KIRREL3: variants seen among roughly 807,000 people sequenced by gnomAD.
The protein encoded by KIRREL3 is kirre like nephrin family adhesion molecule 3, also known as kin of IRRE-like protein 3.
A neutral mutation model predicts 89.7 loss-of-function variants in KIRREL3; 36 were observed. The ratio of observed to expected loss-of-function variants is 0.40; its 90% CI spans 0.31 to 0.53. KIRREL3 has a LOEUF of 0.53. Among genes scored for constraint, KIRREL3 ranks in the 20% least tolerant of loss-of-function variants. The pLI is 0.49. For synonymous variants in KIRREL3, 445 were observed against 441.4 expected (o/e 1.01, Z -0.10); for missense variants, 864 against 1,056.6 (o/e 0.82, Z 2.53).
intron 1 of KIRREL3, among the ~76,000 whole-genome samples, chr11:126,816,512 A>G (rs943826695): frequency 1.3e-5 from 2 of 152,180 alleles, no homozygotes; most frequent in Non-Finnish European, 1.5e-5. Context: ...AACTGCTTAG[A>G]ATTTTAAAGT....
chr11:126,737,798 C>A (rs949947191), intron 1 of KIRREL3, among the ~76,000 whole-genome samples: 3 of 152,240 alleles, frequency 2.0e-5, no homozygotes, highest in South Asian at 2.1e-4. Flanking sequence ...CACAAGTATA[C>A]AACATGTAAT....
intron 1 of KIRREL3, among the ~76,000 whole-genome samples, chr11:126,737,054 A>G (rs1323255942): frequency 1.3e-5 from 2 of 152,206 alleles, no homozygotes; most frequent in African/African-American, 2.4e-5. Context: ...AAGTTTCCCA[A>G]TTTGCTCCGG....
rs1213549828 is a variant in KIRREL3, at chr11:126,668,553, T to A, written c.56-105641A>T. Among the ~76,000 whole-genome samples the A allele has an allele frequency of 2.6e-5, 4 of 152,122 alleles. No homozygotes were observed. Among genetic ancestry groups the A allele is most frequent in the African/African-American group, 9.7e-5 (4 of 41,432 alleles). On this transcript the variant is annotated intron_variant, in intron 1 of 16. Transcript: ENST00000525144. This position sits in a 1 kb window ranked among gnomAD's most constrained non-coding sequence, Gnocchi z 4.4. Reference sequence around the variant, plus strand: ...GGAGCCCTGTCAACTGCACCCGGAATGATGGCCTTTCTTCCTGTTCTTCCT... The same window carrying A: ...GGAGCCCTGTCAACTGCACCCGGAAAGATGGCCTTTCTTCCTGTTCTTCCT...
intron 2 of KIRREL3, among the ~76,000 whole-genome samples, chr11:126,552,550 G>GTATTTTTTTTTT (rs201214323): frequency 2.4e-5 from 2 of 81,752 alleles, no homozygotes; most frequent in African/African-American, 8.5e-5. Context: ...AGAGAGAAAA[G>GTATTTTTTTTTT]TTTTTTTTTT....
rs138862183 is a variant in KIRREL3 at position 126,689,777 on chromosome 11, G to T, written c.56-126865C>A. ...GCAGAGGCCCTCCCAAGACTGACAG[G>T]TTAGCACGGAAGGTATAATCTGCTA... On this transcript the variant is annotated intron_variant, in intron 1 of 16. Coordinates refer to ENST00000525144, the MANE Select transcript of KIRREL3 (RefSeq NM_032531.4). This position sits in a 1 kb window ranked among gnomAD's most constrained non-coding sequence, Gnocchi z 5.2. 4.1e-4 allele frequency among the ~76,000 whole-genome samples: 62 copies of T among 152,308 alleles called. No individual in the cohort carries two copies. Among genetic ancestry groups the T allele is most frequent in the African/African-American group, 1.5e-3 (62 of 41,574 alleles).
At chr11:126,967,248 G>A (rs1376299053) in intron 1 of KIRREL3, among the ~76,000 whole-genome samples, 1 of 152,116 alleles carries the variant, frequency 6.6e-6, no homozygotes, top group African/African-American at 2.4e-5. Flanking sequence ...CTTTTCTTCA[G>A]CAATTTTACT....
chr11:126,821,351 A>ATATATATATATATATGTG lies in KIRREL3; in HGVS notation c.55+179103_55+179104insCACATATATATATATATA, dbSNP rs756545626. Among the ~76,000 whole-genome samples the ATATATATATATATATGTG allele has an allele frequency of 8.4e-4, 88 of 105,240 alleles. 7 individuals carry two copies. The highest frequency in any genetic ancestry group is 6.8e-3 in the South Asian group (20 of 2,960). The allele number at this position is 105,240 out of a possible 152,430, so 69.0% of individuals were successfully genotyped here. On this transcript the variant is annotated intron_variant, in intron 1 of 16. Transcript: ENST00000525144. Reference sequence around the variant, plus strand: ...ACAGTATATATATATATATATATATATGTAACTTCCAACCAACATCCCTTC... The same window carrying ATATATATATATATATGTG: ...ACAGTATATATATATATATATATATATATATATATATATATGTGTGTAACTTCCAACCAACATCCCTTC...
At chr11:126,629,967 G>A (rs1233780227) in intron 1 of KIRREL3, among the ~76,000 whole-genome samples, 1 of 152,154 alleles carries the variant, frequency 6.6e-6, no homozygotes, top group South Asian at 2.1e-4. Flanking sequence ...CAATTTCTGT[G>A]TATTGTCTGT....
Position 126,696,894 on chromosome 11 carries a change from C to T in KIRREL3, c.56-133982G>A, listed in dbSNP as rs2135151348. On this transcript the variant is annotated intron_variant, in intron 1 of 16. Coordinates refer to ENST00000525144, the MANE Select transcript of KIRREL3 (RefSeq NM_032531.4). This position sits in a 1 kb window ranked among gnomAD's most constrained non-coding sequence, Gnocchi z 4.4. ...TTGCTTTCCGGGCAGATTATCTTCC[C>T]TTTCTGAGTCTCAGTTTCTTCATCT... Among the ~76,000 whole-genome samples, 1 of 152,320 alleles carries T rather than the reference C, an allele frequency of 6.6e-6. No individual in the cohort carries two copies. The highest frequency in any genetic ancestry group is 1.5e-5 in the Non-Finnish European group (1 of 68,020).
chr11:126,620,510 A>G lies in KIRREL3; in HGVS notation c.56-57598T>C, dbSNP rs1943533677. Among the ~76,000 whole-genome samples, 1 of 152,066 alleles carries G rather than the reference A, an allele frequency of 6.6e-6. No homozygotes were observed. The highest frequency in any genetic ancestry group is 1.5e-5 in the Non-Finnish European group (1 of 68,010). ...AAAGGGCCCACATACACCACACACC[A>G]TTGTCTATGGGGTGCCTGTGCATGT... is the stretch of plus-strand genomic sequence containing the variant. On this transcript the variant is annotated intron_variant, in intron 1 of 16. Transcript: ENST00000525144. The surrounding 1 kb of genome is among the most constrained non-coding windows in gnomAD (Gnocchi z 4.8).
rs1318083364 is a variant in KIRREL3, at chr11:126,610,098, T to C, written c.56-47186A>G. Among the ~76,000 whole-genome samples the C allele has an allele frequency of 1.3e-5, 2 of 150,058 alleles. No homozygotes were observed. The highest frequency in any genetic ancestry group is 1.5e-5 in the Non-Finnish European group (1 of 67,320). ...GACTCCAAAATCTGTGCTGTTAACT[T>C]TTTTTTTTTTGAGACAGAATTTTGC... On this transcript the variant is annotated intron_variant, in intron 1 of 16. Transcript: ENST00000525144. The surrounding 1 kb of genome is among the most constrained non-coding windows in gnomAD (Gnocchi z 4.6).
At chr11:126,804,599 G>A (rs1337041781) in intron 1 of KIRREL3, among the ~76,000 whole-genome samples, 1 of 152,182 alleles carries the variant, frequency 6.6e-6, no homozygotes, top group Non-Finnish European at 1.5e-5. Context: ...TGGGGAGGAG[G>A]AGGAAGTAAG....
chr11:126,621,234 T>A (rs1406218866), intron 1 of KIRREL3, among the ~76,000 whole-genome samples: 2 of 152,228 alleles, frequency 1.3e-5, no homozygotes, highest in African/African-American at 2.4e-5. Context: ...GAGTGGGGGA[T>A]GGGGAGAACC....
In KIRREL3 at chr11:126,459,467, C is replaced by T. The variant is rs1382946112; in HGVS notation, c.743-3013G>A. Among the ~76,000 whole-genome samples, 2 of 152,206 alleles carry T rather than the reference C, an allele frequency of 1.3e-5. No individual in the cohort carries two copies. Among genetic ancestry groups the T allele is most frequent in the African/African-American group, 4.8e-5 (2 of 41,450 alleles). The stretch of plus-strand genomic sequence containing the variant: ...CACTGGCCATATCTGCACCTCCACC[C>T]CAAGACCAGAGGTGCCCAAGCTTCT... On this transcript the variant is annotated intron_variant, in intron 6 of 16. Transcript: ENST00000525144. This position sits in a 1 kb window ranked among gnomAD's most constrained non-coding sequence, Gnocchi z 4.8.
chr11:126,722,131 C>G (rs1948198756), intron 1 of KIRREL3, among the ~76,000 whole-genome samples: 1 of 152,228 alleles, frequency 6.6e-6, no homozygotes, highest in African/African-American at 2.4e-5. Flanking sequence ...GTTCCTCAAG[C>G]ACCTGCTGTC....
chr11:126,493,863 T>C (rs1957591583), intron 4 of KIRREL3, among the ~76,000 whole-genome samples: 1 of 152,052 alleles, frequency 6.6e-6, no homozygotes, highest in African/African-American at 2.4e-5. Flanking sequence ...AGGCTGGTTC[T>C]GGGTCCCGGA....
chr11:126,486,649 G>A lies in KIRREL3; in HGVS notation c.434-13183C>T, dbSNP rs1391029963. Among the ~76,000 whole-genome samples the A allele has an allele frequency of 6.6e-6, 1 of 152,200 alleles. No homozygotes were observed. The highest frequency in any genetic ancestry group is 1.5e-5 in the Non-Finnish European group (1 of 68,040). ...TAATCCATGCTTCATGGTATGGTGG[G>A]CCCTTGCAGTAGCCTTATTTCATAG... On this transcript the variant is annotated intron_variant, in intron 4 of 16. Transcript: ENST00000525144. This position sits in a 1 kb window ranked among gnomAD's most constrained non-coding sequence, Gnocchi z 6.2.
At chr11:126,456,514 G>T in intron 6 of KIRREL3, 60 bp from the exon 7 acceptor site, 1 of 1,151,022 alleles carries the variant, frequency 8.7e-7, no homozygotes, top group Non-Finnish European at 1.3e-6. Context: ...GGAGATCCTG[G>T]GCGACATGGA....
chr11:126,774,210 G>A (rs2156869), intron 1 of KIRREL3, among the ~76,000 whole-genome samples: 1 of 148,080 alleles, frequency 6.8e-6, no homozygotes, highest in African/African-American at 2.5e-5. Context: ...ATAGGAAGTA[G>A]AGAAGAGGGT....
Sources: gnomAD v4.1 joint callset for allele counts (sites outside exome capture counted in the v4.1 genomes callset) on GRCh38, gnomAD v4.1.1 for gene constraint, Gnocchi (gnomAD v3.1) non-coding constraint, MANE v1.5 for transcripts, NCBI Gene and HGNC (gene_info 2026-07-23, HGNC 2026-07-21) for gene names.